LAMA4: variants seen among roughly 807,000 people sequenced by gnomAD.
The protein encoded by LAMA4 is laminin subunit alpha 4.
A neutral mutation model predicts 207.1 loss-of-function variants in LAMA4; 127 were observed. That is an observed-to-expected ratio of 0.61 (90% CI 0.53 to 0.71). LAMA4 has a LOEUF of 0.71. LAMA4 is among the 30% of genes least tolerant of loss of function. The pLI, the probability that LAMA4 is intolerant of heterozygous loss-of-function variation, is 0.00. For synonymous variants in LAMA4, 761 were observed against 816.0 expected (o/e 0.93, Z 1.15); for missense variants, 2,093 against 2,246.5 (o/e 0.93, Z 1.38).
At chr6:112,124,703 G>C (rs587750312) in intron 31 of LAMA4, among the ~76,000 whole-genome samples, 24 of 151,526 alleles carry the variant, frequency 1.6e-4, no homozygotes, top group African/African-American at 5.8e-4. Flanking sequence ...TAACAGCCAA[G>C]CTAGTTGAGC....
intron 23 of LAMA4, among the ~76,000 whole-genome samples, chr6:112,139,499 G>T (rs1417366431): frequency 1.3e-5 from 2 of 152,192 alleles, no homozygotes; most frequent in African/African-American, 4.8e-5. Flanking sequence ...TAAGACAACT[G>T]AAGTCTCCAG....
At chr6:112,116,027 A>T (rs781805282) in intron 35 of LAMA4, 34 bp from the exon 36 acceptor site, 5 of 1,593,216 alleles carry the variant, frequency 3.1e-6, no homozygotes, top group Non-Finnish European at 4.3e-6. Flanking sequence ...TCCCAAGAAC[A>T]GCAAGATCAT....
intron 32 of LAMA4, 108 bp from the exon 33 acceptor site, chr6:112,120,580 A>G (rs782258011): frequency 9.7e-5 from 80 of 827,030 alleles, no homozygotes; most frequent in Non-Finnish European, 1.5e-4. Flanking sequence ...TAGCCATTCT[A>G]TCTAATCCCA....
intron 31 of LAMA4, among the ~76,000 whole-genome samples, chr6:112,127,089 C>T (rs1554327904): frequency 6.6e-6 from 1 of 152,060 alleles, no homozygotes; most frequent in Non-Finnish European, 1.5e-5. Flanking sequence ...TTTGTTACAA[C>T]CCTATGATGC....
chr6:112,207,671 G>C (rs782570226), intron 3 of LAMA4, among the ~76,000 whole-genome samples: 2 of 152,152 alleles, frequency 1.3e-5, no homozygotes, highest in African/African-American at 4.8e-5. Flanking sequence ...TTCTGCTCAT[G>C]GGTTGGTATC....
In LAMA4 at chr6:112,142,266, G is replaced by C; in HGVS notation, c.2520C>G (p.Gly840=). 1 of 1,614,018 alleles carries C rather than the reference G, an allele frequency of 6.2e-7. No homozygotes were observed. The highest frequency in any genetic ancestry group is 8.5e-7 in the Non-Finnish European group (1 of 1,179,980). The change falls in exon 20 of 39, where the codon GGC becomes GGG. Residue 840 remains glycine, a synonymous_variant. Transcript: ENST00000230538. ...SKIQVSMMFD[G]QSAVEVHSRT... The stretch of plus-strand genomic sequence containing the variant: ...TCGAGTGCACTTCCACAGCTGACTG[G>C]CCATCAAACATCATGGAGACTTGGA...
chr6:112,253,595 C>T, intron 2 of LAMA4: 1 of 726,690 alleles, frequency 1.4e-6, no homozygotes. Flanking sequence ...AGTGACAGGG[C>T]ACACACGTTA....
In LAMA4 at chr6:112,130,300, T is replaced by TTGTG. The variant is rs35563593; in HGVS notation, c.3969-264_3969-261dup. 60,010 of 380,156 alleles carry TTGTG rather than the reference T, an allele frequency of 0.16. 3,455 individuals carry two copies. The highest frequency in any genetic ancestry group is 0.18 in the Non-Finnish European group (36,003 of 203,140). 23.5% of individuals were successfully genotyped at this position (380,156 alleles called of 1,614,324 possible). On this transcript the variant is annotated intron_variant, in intron 29 of 38. Transcript: ENST00000230538. The stretch of plus-strand genomic sequence containing the variant: ...AGATGACTAGTCATCAGCATTATTT[T>TTGTG]TGTGTGTGTGTGTGTGTGTGTGTGT...
At chr6:112,200,755 C>T (rs1326109937) in intron 5 of LAMA4, among the ~76,000 whole-genome samples, 42 of 152,078 alleles carry the variant, frequency 2.8e-4, no homozygotes, top group Non-Finnish European at 4.6e-4. Flanking sequence ...AGCTGGAAAC[C>T]GTCATTCTTA....
chr6:112,235,513 C>T lies in LAMA4; in HGVS notation c.195+18443G>A, dbSNP rs112027260. Among the ~76,000 whole-genome samples, 433 of 152,268 alleles carry T rather than the reference C, an allele frequency of 2.8e-3. 2 individuals are homozygous for T. Among genetic ancestry groups the T allele is most frequent in the African/African-American group, 9.8e-3 (409 of 41,554 alleles). ...CGTTTCATTTTCTTCATTAATTTCT[C>T]ACATTTCAATTGTTTTGGTACATGA... On this transcript the variant is annotated intron_variant, in intron 2 of 38. Transcript: ENST00000230538.
intron 2 of LAMA4, among the ~76,000 whole-genome samples, chr6:112,227,532 A>G (rs1785290965): frequency 1.3e-5 from 2 of 152,184 alleles, no homozygotes; most frequent in Non-Finnish European, 2.9e-5. Context: ...ATACCCGGTG[A>G]GATCTCTAAA....
At position 112,154,788 on chromosome 6, in the gene LAMA4, C is replaced by T. The variant is rs570385794; in HGVS notation, c.2056+63G>A. The T allele has an allele frequency of 8.4e-5, 82 of 978,510 alleles. No individual in the cohort carries two copies. In the South Asian group the frequency reaches 8.9e-4, roughly 11 times the overall value. 60.6% of individuals were successfully genotyped at this position (978,510 alleles called of 1,614,324 possible). The stretch of plus-strand genomic sequence containing the variant: ...TCCTAGATTTGGAAATCTCTGTCTA[C>T]GTGTATGAAAGGAGGGAAGCAGCTA... On this transcript the variant is annotated intron_variant, in intron 16 of 38. Transcript: ENST00000230538.
rs781940689 is a variant in LAMA4, at chr6:112,178,167, T to C, written c.1143A>G (p.Ala381=). Residue 381 remains alanine, a synonymous_variant, in exon 10 of 39, where the codon GCA becomes GCG. Transcript: ENST00000230538. ...CATGGGCTTGCTCTACCAGCTGACT[T>C]GCGTGGTTAATGGTGTCCATGCTTT... is the stretch of plus-strand genomic sequence containing the variant. ...QKESMDTINH[A]SQLVEQAHDM... 4 of 1,613,988 alleles carry C rather than the reference T, an allele frequency of 2.5e-6. No individual in the cohort carries two copies. The highest frequency in any genetic ancestry group is 8.5e-7 in the Non-Finnish European group (1 of 1,179,854).
intron 11 of LAMA4, among the ~76,000 whole-genome samples, chr6:112,174,712 C>T (rs1424479524): frequency 6.6e-6 from 1 of 152,156 alleles, no homozygotes; most frequent in African/African-American, 2.4e-5. Context: ...AGGCTGGTCT[C>T]GAACTCCTGA....
intron 11 of LAMA4, 32 bp downstream of exon 11, chr6:112,175,281 T>C: frequency 6.2e-7 from 1 of 1,611,032 alleles, no homozygotes. Context: ...GGCAAACATG[T>C]GCTGGGTCAG....
intron 1 of LAMA4, 30 bp from the exon 2 acceptor site, chr6:112,254,321 A>G: frequency 1.3e-6 from 1 of 742,980 alleles, no homozygotes; most frequent in Non-Finnish European, 2.3e-6. Context: ...GTGCGAGAGT[A>G]AGGGAGAGTT....
chr6:112,136,281 A>G (rs1779341302), intron 24 of LAMA4, 27 bp from the exon 25 acceptor site: 2 of 1,580,784 alleles, frequency 1.3e-6, no homozygotes, highest in South Asian at 2.2e-5. Flanking sequence ...ATTGTAAGAT[A>G]GGAACATCTG....
chr6:112,128,680 T>C lies in LAMA4; in HGVS notation c.4287+242A>G, dbSNP rs782258724. On this transcript the variant is annotated intron_variant, in intron 31 of 38. Transcript: ENST00000230538. ...CACATTGTATACATGTATTGAAAGA[T>C]CACTCTGTACCCCATACATTTGTGC... 2.0e-5 allele frequency among the ~76,000 whole-genome samples: 3 copies of C among 152,218 alleles called. No individual in the cohort carries two copies. In the South Asian group the frequency reaches 6.2e-4, roughly 32 times the overall value.
Position 112,253,801 on chromosome 6 carries a change from CTCTT to C in LAMA4, c.195+151_195+154del. 5.0e-6 allele frequency: 8 copies of C among 1,614,230 alleles called. No individual in the cohort carries two copies. The East Asian group carries it at 6.7e-5, about 13-fold the overall frequency. On this transcript the variant is annotated intron_variant, in intron 2 of 38. Transcript: ENST00000230538. Reference sequence around the variant, plus strand: ...TCCAAATGCAACTTACAAAGGAAAACTCTTTATTTCAAGTTTCCGAACTGACCTA... The same window carrying C: ...TCCAAATGCAACTTACAAAGGAAAACTATTTCAAGTTTCCGAACTGACCTA...
Sources: allele counts gnomAD v4.1 joint callset (sites outside exome capture counted in the v4.1 genomes callset), GRCh38; gene constraint gnomAD v4.1.1; transcripts MANE v1.5; gene names NCBI Gene and HGNC (gene_info 2026-07-23, HGNC 2026-07-21).